Variants in SPOCK3 observed in about 807,000 individuals in gnomAD.
SPOCK3 encodes SPARC (osteonectin), cwcv and kazal like domains proteoglycan 3, also known as testican-3.
SPOCK3 carries 30 observed loss-of-function variants against 56.6 expected under a neutral mutation model. The ratio of observed to expected loss-of-function variants is 0.53; its 90% CI spans 0.40 to 0.72. SPOCK3 has a LOEUF of 0.72. SPOCK3 is among the 30% of genes least tolerant of loss of function. The pLI, the probability that SPOCK3 is intolerant of heterozygous loss-of-function variation, is 0.00. For missense variants in SPOCK3, 527 were observed against 530.0 expected, an observed-to-expected ratio of 0.99 and a Z score of 0.06; for synonymous variants, 196 against 183.3, an observed-to-expected ratio of 1.07 and a Z score of -0.56.
chr4:166,916,749 G>T (rs1737898480), intron 4 of SPOCK3, among the ~76,000 whole-genome samples: 1 of 152,058 alleles, frequency 6.6e-6, no homozygotes, highest in Non-Finnish European at 1.5e-5. Context: ...ACCTCCCTCG[G>T]TCTTAATTTC....
intron 8 of SPOCK3, among the ~76,000 whole-genome samples, chr4:166,745,926 A>T (rs1487317101): frequency 6.6e-6 from 1 of 152,248 alleles, no homozygotes; most frequent in Non-Finnish European, 1.5e-5. Flanking sequence ...GAATTCAACA[A>T]GAAGAGCTAA....
At chr4:166,856,163 A>AGGT (rs1730636017) in intron 6 of SPOCK3, among the ~76,000 whole-genome samples, 2 of 149,844 alleles carry the variant, frequency 1.3e-5, no homozygotes, top group South Asian at 4.2e-4. Context: ...GACTGAGGGG[A>AGGT]GGAGGAGGAG....
chr4:166,751,205 TATTTG>T (rs1434060319), intron 8 of SPOCK3, among the ~76,000 whole-genome samples: 2 of 152,200 alleles, frequency 1.3e-5, no homozygotes, highest in African/African-American at 2.4e-5. Context: ...CCTCCATATT[TATTTG>T]ATTTAATAGG....
intron 6 of SPOCK3, among the ~76,000 whole-genome samples, chr4:166,878,043 G>A (rs1200754112): frequency 3.9e-5 from 6 of 152,070 alleles, no homozygotes; most frequent in African/African-American, 1.4e-4. Flanking sequence ...TTGGGAGGCC[G>A]AGGCAGGTGG....
chr4:167,173,242 C>G (rs1580513982), intron 2 of SPOCK3, among the ~76,000 whole-genome samples: 1 of 152,104 alleles, frequency 6.6e-6, no homozygotes, highest in Non-Finnish European at 1.5e-5. Flanking sequence ...AGTGAAATAT[C>G]TCTGTATTTT....
chr4:167,077,337 C>A (rs1332015297), intron 2 of SPOCK3, among the ~76,000 whole-genome samples: 2 of 151,486 alleles, frequency 1.3e-5, no homozygotes, highest in South Asian at 2.1e-4. Context: ...CTATTTTGCA[C>A]TAATGTTCTC....
chr4:167,052,460 T>C (rs1754326412), intron 3 of SPOCK3, among the ~76,000 whole-genome samples: 1 of 152,266 alleles, frequency 6.6e-6, no homozygotes, highest in Middle Eastern at 3.4e-3. Flanking sequence ...AACAGGGAAC[T>C]TGTCCAAAAA....
intron 4 of SPOCK3, among the ~76,000 whole-genome samples, chr4:166,999,069 G>A (rs1748687787): frequency 6.6e-6 from 1 of 152,168 alleles, no homozygotes; most frequent in African/African-American, 2.4e-5. Flanking sequence ...TCACCCATTT[G>A]TGCTTTCCCC....
At chr4:167,011,182 T>C (rs1750014193) in intron 3 of SPOCK3, 5 of 435,900 alleles carry the variant, frequency 1.1e-5, no homozygotes, top group African/African-American at 4.1e-5. Context: ...ATAATACAAA[T>C]TGAGTAAAAA....
Position 167,009,955 on chromosome 4 carries a change from G to A in SPOCK3, c.236-9492C>T, listed in dbSNP as rs1354652789. On this transcript the variant is annotated intron_variant, in intron 3 of 10. Coordinates refer to ENST00000357545, the MANE Select transcript of SPOCK3 (RefSeq NM_001040159.2). ...ATTAAAAAGAACTAAAATTTAAAAAGTAGTTGCAGATTAACAACCCTAGCC... is the reference window on the plus strand; with the variant it reads ...ATTAAAAAGAACTAAAATTTAAAAAATAGTTGCAGATTAACAACCCTAGCC... 5.9e-5 allele frequency among the ~76,000 whole-genome samples: 9 copies of A among 152,156 alleles called. No individual in the cohort carries two copies. In the East Asian group the frequency reaches 1.4e-3, roughly 23 times the overall value.
chr4:167,172,694 A>G (rs181024648), intron 2 of SPOCK3, among the ~76,000 whole-genome samples: 1 of 152,232 alleles, frequency 6.6e-6, no homozygotes, highest in Admixed American at 6.5e-5. Context: ...TATAATAAAC[A>G]TTTTTCATAG....
At chr4:166,801,340 T>C (rs1742574333) in intron 6 of SPOCK3, among the ~76,000 whole-genome samples, 1 of 152,128 alleles carries the variant, frequency 6.6e-6, no homozygotes, top group African/African-American at 2.4e-5. Context: ...TAAGTTACCA[T>C]CTTTCCCTAC....
At chr4:167,106,033 A>G (rs933799344) in intron 2 of SPOCK3, among the ~76,000 whole-genome samples, 1 of 151,920 alleles carries the variant, frequency 6.6e-6, no homozygotes, top group Non-Finnish European at 1.5e-5. Flanking sequence ...TAATAGCTGG[A>G]GAGTTTAACA....
In SPOCK3 at chr4:167,144,777, T is replaced by TCA. The variant is rs1763805685; in HGVS notation, c.190-82241_190-82240insTG. 2.3e-4 allele frequency among the ~76,000 whole-genome samples: 8 copies of TCA among 34,496 alleles called. 1 individual carries two copies. The highest frequency in any genetic ancestry group is 4.6e-4 in the Admixed American group (2 of 4,358). The allele number at this position is 34,496 out of a possible 152,430, so 22.6% of individuals were successfully genotyped here. On this transcript the variant is annotated intron_variant, in intron 2 of 10. Transcript: ENST00000357545. ...AACACAAGTGCAATTAATCTTGATG[T>TCA]GGAAGCAACATATCACATGTTTGAA...
intron 6 of SPOCK3, among the ~76,000 whole-genome samples, chr4:166,860,807 ATATATATATG>A (rs1221989763): frequency 1.4e-5 from 2 of 141,636 alleles, no homozygotes; most frequent in African/African-American, 5.3e-5. Context: ...AAATTCATAT[ATATATATATG>A]TATATATATA....
intron 7 of SPOCK3, 80 bp from the exon 8 acceptor site, chr4:166,754,809 G>T (rs1736860553): frequency 7.9e-7 from 1 of 1,262,340 alleles, no homozygotes; most frequent in African/African-American, 1.5e-5. Context: ...AACATAGCAG[G>T]TAGCTAGTGT....
chr4:167,160,415 T>C (rs1375850459), intron 2 of SPOCK3, among the ~76,000 whole-genome samples: 3 of 152,070 alleles, frequency 2.0e-5, no homozygotes, highest in Admixed American at 6.6e-5. Context: ...TGGAAGAACA[T>C]TCCATGCTCA....
chr4:166,841,848 T>C (rs770032412), intron 6 of SPOCK3, among the ~76,000 whole-genome samples: 3 of 152,262 alleles, frequency 2.0e-5, no homozygotes, highest in African/African-American at 4.8e-5. Context: ...AATCGTTGGG[T>C]TCTTGGTTGC....
At chr4:166,892,064 AATC>A (rs1451449551) in intron 5 of SPOCK3, among the ~76,000 whole-genome samples, 1 of 152,012 alleles carries the variant, frequency 6.6e-6, no homozygotes. Context: ...TAATAACAGG[AATC>A]ATATTTTCTG....
Sources: allele counts gnomAD v4.1 joint callset (sites outside exome capture counted in the v4.1 genomes callset), GRCh38; gene constraint gnomAD v4.1.1; transcripts MANE v1.5; gene names NCBI Gene and HGNC (gene_info 2026-07-23, HGNC 2026-07-21).